Variants in RBPJ observed in about 807,000 individuals in gnomAD.
RBPJ encodes the protein recombination signal binding protein for immunoglobulin kappa J region.
RBPJ carries 9 observed loss-of-function variants against 67.8 expected under a neutral mutation model. The ratio of observed to expected loss-of-function variants is 0.13; its 90% CI spans 0.08 to 0.23. The LOEUF (loss-of-function observed/expected upper bound fraction) is 0.23, where lower values mean the gene tolerates loss of function less well. Among genes scored for constraint, RBPJ ranks in the 10% least tolerant of loss-of-function variants. RBPJ has a pLI of 1.00. For synonymous variants in RBPJ, 198 were observed against 203.3 expected (o/e 0.97, Z 0.22); for missense variants, 305 against 595.6 (o/e 0.51, Z 5.08).
intron 1 of RBPJ, among the ~76,000 whole-genome samples, chr4:26,336,484 T>TAAAAC (rs368735581): frequency 0.023 from 3,465 of 151,812 alleles, 115 homozygotes; most frequent in African/African-American, 0.067. Flanking sequence ...CCCCATCTCT[T>TAAAAC]AAAACAAAAC....
chr4:26,308,132 C>G (rs1722298455), intron 1 of RBPJ, among the ~76,000 whole-genome samples: 1 of 152,104 alleles, frequency 6.6e-6, no homozygotes, highest in Non-Finnish European at 1.5e-5. Flanking sequence ...AAAAATTAGC[C>G]GGGCGTGGTG....
intron 1 of RBPJ, among the ~76,000 whole-genome samples, chr4:26,164,815 G>A (rs1225435759): frequency 3.3e-5 from 5 of 152,150 alleles, no homozygotes; most frequent in Non-Finnish European, 7.3e-5. Flanking sequence ...TGTGTCAGAA[G>A]CCTAATGCAG....
At chr4:26,285,920 G>A (rs1037797815) in intron 1 of RBPJ, among the ~76,000 whole-genome samples, 1 of 148,624 alleles carries the variant, frequency 6.7e-6, no homozygotes, top group Non-Finnish European at 1.5e-5. Context: ...GACCAGCCTG[G>A]GCAACATAGG....
At chr4:26,169,579 G>A (rs961064737) in intron 1 of RBPJ, among the ~76,000 whole-genome samples, 6 of 152,280 alleles carry the variant, frequency 3.9e-5, no homozygotes, top group Admixed American at 1.3e-4. Flanking sequence ...GCTGCGTGCT[G>A]GGAGAACCAC....
intron 7 of RBPJ, among the ~76,000 whole-genome samples, chr4:26,427,460 A>C (rs903825446): frequency 1.3e-4 from 20 of 152,208 alleles, no homozygotes; most frequent in African/African-American, 4.8e-4. Flanking sequence ...GGGAGTTGTC[A>C]ACCTTTAAAT....
At chr4:26,262,151 C>T (rs1177771663) in intron 1 of RBPJ, among the ~76,000 whole-genome samples, 1 of 152,018 alleles carries the variant, frequency 6.6e-6, no homozygotes, top group Non-Finnish European at 1.5e-5. Flanking sequence ...TGCCATGTTG[C>T]CCAGGCTGGT....
chr4:26,107,368 C>A, the RBPJ span, among the ~76,000 whole-genome samples: 1 of 152,184 alleles, frequency 6.6e-6, no homozygotes, highest in Non-Finnish European at 1.5e-5. Context: ...CCACTCTATC[C>A]TCCATCTCAG....
chr4:26,243,999 G>A (rs1719736251), intron 1 of RBPJ, among the ~76,000 whole-genome samples: 1 of 151,978 alleles, frequency 6.6e-6, no homozygotes, highest in Non-Finnish European at 1.5e-5. Flanking sequence ...GGAGGCTGAA[G>A]TGGGAGGATC....
Position 26,314,316 on chromosome 4 carries a change from A to G in RBPJ, c.-166-48130A>G, listed in dbSNP as rs181435964. Among the ~76,000 whole-genome samples the G allele has an allele frequency of 1.2e-3, 181 of 152,266 alleles. 7 individuals carry two copies. Among genetic ancestry groups the G allele is most frequent in the Admixed American group, 0.011 (161 of 15,292 alleles). ...TTTTCCACCATCAGTGATGCTGCAAAATATAGGTAATTTTACATGTGTGGG... is the reference window on the plus strand; with the variant it reads ...TTTTCCACCATCAGTGATGCTGCAAGATATAGGTAATTTTACATGTGTGGG... On this transcript the variant is annotated intron_variant, in intron 1 of 4. Coordinates refer to the RBPJ transcript ENST00000512351.
intron 1 of RBPJ, among the ~76,000 whole-genome samples, chr4:26,222,815 T>C (rs1336054407): frequency 6.6e-6 from 1 of 151,928 alleles, no homozygotes; most frequent in African/African-American, 2.4e-5. Context: ...TTACAGTGCA[T>C]AAAACATATA....
intron 1 of RBPJ, among the ~76,000 whole-genome samples, chr4:26,251,783 G>A (rs1353648456): frequency 6.7e-6 from 1 of 150,048 alleles, no homozygotes; most frequent in East Asian, 2.0e-4. Context: ...GGGAGGTGGA[G>A]GTTGCAGTGA....
chr4:26,126,405 A>G, the RBPJ span, among the ~76,000 whole-genome samples: 664 of 152,192 alleles, frequency 4.4e-3, 6 homozygotes, highest in African/African-American at 0.015. Flanking sequence ...CCTGTCTCCC[A>G]CTACAGTAGC....
intron 1 of RBPJ, among the ~76,000 whole-genome samples, chr4:26,267,235 T>C (rs2109257682): frequency 6.6e-6 from 1 of 152,234 alleles, no homozygotes; most frequent in South Asian, 2.1e-4. Context: ...TCCAGAGTCT[T>C]AGAGTCTGGA....
intron 1 of RBPJ, among the ~76,000 whole-genome samples, chr4:26,266,757 G>A (rs1336766855): frequency 6.6e-6 from 1 of 152,154 alleles, no homozygotes; most frequent in Non-Finnish European, 1.5e-5. Flanking sequence ...TTAGGTGGAT[G>A]GATGGATAGA....
At chr4:26,183,732 G>A (rs777454691) in intron 1 of RBPJ, among the ~76,000 whole-genome samples, 8 of 152,290 alleles carry the variant, frequency 5.3e-5, no homozygotes, top group Admixed American at 2.0e-4. Flanking sequence ...AAATGTAGCC[G>A]GGCGTGGTCG....
At position 26,434,159 on chromosome 4, in the gene RBPJ, TTAAAC is replaced by T. The variant is rs2109854368; in HGVS notation, c.*3154_*3158del. 1 of 152,380 alleles carries T rather than the reference TTAAAC, an allele frequency of 6.6e-6. No individual in the cohort carries two copies. The highest frequency in any genetic ancestry group is 1.5e-5 in the Non-Finnish European group (1 of 68,036). The allele number at this position is 152,380 out of a possible 1,614,324, so 9.4% of individuals were successfully genotyped here. ...TATCTAAATTTGCTGCTCACTTTCT[TTAAAC>T]TGTGGCAATTAAAGGCATGTTTATA... On this transcript the variant is annotated 3_prime_UTR_variant, in exon 11 of 11. Transcript: ENST00000355476.
At chr4:26,329,783 A>C (rs1424307364) in intron 1 of RBPJ, among the ~76,000 whole-genome samples, 1 of 152,014 alleles carries the variant, frequency 6.6e-6, no homozygotes, top group Non-Finnish European at 1.5e-5. Context: ...AGTCACAGCT[A>C]CTTGGGAGGC....
intron 2 of RBPJ, among the ~76,000 whole-genome samples, chr4:26,393,739 GA>G (rs914321060): frequency 6.3e-4 from 96 of 151,798 alleles, no homozygotes; most frequent in African/African-American, 2.2e-3. Flanking sequence ...TTCAAGTTAG[GA>G]AAATTTTAGT....
At chr4:26,120,819 C>T in the RBPJ span, among the ~76,000 whole-genome samples, 1 of 143,246 alleles carries the variant, frequency 7.0e-6, no homozygotes, top group Admixed American at 7.5e-5. Context: ...GGCAAGAGTA[C>T]TGTAGTTTAG....
Sources: gnomAD v4.1 joint callset for allele counts (sites outside exome capture counted in the v4.1 genomes callset) on GRCh38, gnomAD v4.1.1 for gene constraint, MANE v1.5 for transcripts, NCBI Gene and HGNC (gene_info 2026-07-23, HGNC 2026-07-21) for gene names.